CRB1: variants seen among roughly 807,000 people sequenced by gnomAD.
CRB1 encodes crumbs cell polarity complex component 1, also known as protein crumbs homolog 1.
Under a neutral mutation model 120.0 loss-of-function variants are expected in CRB1, and 83 were observed. The ratio of observed to expected loss-of-function variants is 0.69; its 90% CI spans 0.58 to 0.83. The LOEUF (loss-of-function observed/expected upper bound fraction) is 0.83. CRB1 is among the 40% of genes least tolerant of loss of function. The pLI is 0.00. For synonymous variants in CRB1, 625 were observed against 612.5 expected, an observed-to-expected ratio of 1.02 and a Z score of -0.30; for missense variants, 1,699 against 1,687.6, an observed-to-expected ratio of 1.01 and a Z score of -0.12.
chr1:197,255,510 G>A, the CRB1 span, among the ~76,000 whole-genome samples: 3 of 151,960 alleles, frequency 2.0e-5, no homozygotes, highest in Non-Finnish European at 4.4e-5. Context: ...TATCAAGTCA[G>A]CACCTTTCAA....
intron 11 of CRB1, among the ~76,000 whole-genome samples, chr1:197,450,357 G>A (rs181990878): frequency 2.0e-5 from 3 of 152,174 alleles, no homozygotes; most frequent in African/African-American, 7.2e-5. Context: ...ACTACATTCC[G>A]GGGAAAACAT....
chr1:197,444,879 T>C lies in CRB1; in HGVS notation c.4005+2587T>C, dbSNP rs1006973175. 2.0e-5 allele frequency: 3 copies of C among 148,246 alleles called. No individual in the cohort carries two copies. The South Asian group carries it at 6.5e-4, about 32-fold the overall frequency. The allele number at this position is 148,246 out of a possible 1,614,324, so 9.2% of individuals were successfully genotyped here. On this transcript the variant is annotated intron_variant, in intron 11 of 11. Transcript: ENST00000367400. The stretch of plus-strand genomic sequence containing the variant: ...ACTTGTTTGCCTTGACTATGTCTTG[T>C]ATGATAAAATTTCCACCAGCCATGC...
At chr1:197,411,664 A>T (rs946784678) in intron 5 of CRB1, among the ~76,000 whole-genome samples, 1 of 151,568 alleles carries the variant, frequency 6.6e-6, no homozygotes, top group African/African-American at 2.4e-5. Flanking sequence ...TTTGTACATC[A>T]CTCTGATATA....
rs1478713622 is a variant in CRB1 at position 197,328,771 on chromosome 1, T to C, written c.420T>C (p.Tyr140=). The C allele has an allele frequency of 1.2e-6, 2 of 1,612,496 alleles. No homozygotes were observed. Among genetic ancestry groups the C allele is most frequent in the African/African-American group, 1.3e-5 (1 of 74,936 alleles). ...IYPVCICPAG[Y]AGRFCEIDHD... Reference sequence around the variant, plus strand: ...CTGTCTGCATCTGCCCTGCTGGATATGCTGGAAGATTCTGTGAGATAGATC... The same window carrying C: ...CTGTCTGCATCTGCCCTGCTGGATACGCTGGAAGATTCTGTGAGATAGATC... Residue 140 remains tyrosine, a synonymous_variant, in exon 2 of 12, where the codon TAT becomes TAC. Coordinates refer to ENST00000367400, the MANE Select transcript of CRB1 (RefSeq NM_201253.3).
intron 5 of CRB1, 83 bp from the exon 6 acceptor site, chr1:197,420,917 C>T (rs1664269642): frequency 2.1e-6 from 2 of 948,024 alleles, no homozygotes; most frequent in Non-Finnish European, 3.4e-6. Flanking sequence ...TGCACTTCTG[C>T]AAGATTATAC....
the CRB1 span, among the ~76,000 whole-genome samples, chr1:197,238,060 G>A: frequency 2.6e-5 from 4 of 152,060 alleles, no homozygotes; most frequent in South Asian, 8.3e-4. Context: ...TTTTCACTGA[G>A]TTTAATGTGC....
At chr1:197,467,503 A>G (rs1383459054) in intron 11 of CRB1, among the ~76,000 whole-genome samples, 1 of 152,194 alleles carries the variant, frequency 6.6e-6, no homozygotes, top group African/African-American at 2.4e-5. Flanking sequence ...AATTGTCCCA[A>G]TAATGTCCCT....
At chr1:197,384,381 C>G (rs755148255) in intron 5 of CRB1, among the ~76,000 whole-genome samples, 17 of 152,116 alleles carry the variant, frequency 1.1e-4, no homozygotes, top group Non-Finnish European at 2.5e-4. Context: ...CCACATTTCC[C>G]CCTGACAACA....
chr1:197,268,563 A>G (rs1406338150), intron 1 of CRB1, 81 bp downstream of exon 1: 3 of 1,087,800 alleles, frequency 2.8e-6, no homozygotes, highest in Admixed American at 1.7e-5. Flanking sequence ...ATAATGTTGC[A>G]TGTTCTATAA....
chr1:197,210,513 C>T, the CRB1 span, among the ~76,000 whole-genome samples: 1 of 152,008 alleles, frequency 6.6e-6, no homozygotes, highest in Non-Finnish European at 1.5e-5. Flanking sequence ...CCAGGATTTC[C>T]CATCTGTGGA....
chr1:197,222,525 C>A, the CRB1 span: 3 of 768,406 alleles, frequency 3.9e-6, no homozygotes, highest in East Asian at 4.9e-5. Flanking sequence ...TCCGTTTGGT[C>A]TTGGCAGTGT....
chr1:197,409,180 A>G (rs1387703466), intron 5 of CRB1, among the ~76,000 whole-genome samples: 1 of 152,210 alleles, frequency 6.6e-6, no homozygotes, highest in East Asian at 1.9e-4. Context: ...CATAAAGTAG[A>G]GCAAAGAATG....
chr1:197,261,985 T>C, the CRB1 span, among the ~76,000 whole-genome samples: 5 of 152,286 alleles, frequency 3.3e-5, no homozygotes, highest in African/African-American at 1.2e-4. Flanking sequence ...TGTACTCTTA[T>C]TAAATCAATT....
At chr1:197,350,094 G>A (rs1004545970) in intron 4 of CRB1, among the ~76,000 whole-genome samples, 3 of 144,606 alleles carry the variant, frequency 2.1e-5, no homozygotes, top group African/African-American at 5.3e-5. Flanking sequence ...GCGACAGAGC[G>A]AGACTCCGTC....
At chr1:197,322,421 C>G (rs1397216803) in intron 1 of CRB1, among the ~76,000 whole-genome samples, 2 of 151,634 alleles carry the variant, frequency 1.3e-5, no homozygotes, top group Non-Finnish European at 2.9e-5. Context: ...CAAGATCGCA[C>G]CACTGCACTC....
intron 5 of CRB1, among the ~76,000 whole-genome samples, chr1:197,416,006 A>T: frequency 6.6e-6 from 1 of 152,020 alleles, no homozygotes; most frequent in East Asian, 1.9e-4. Context: ...TTTCTATAAG[A>T]CCTTCCCAGC....
intron 11 of CRB1, among the ~76,000 whole-genome samples, chr1:197,446,907 C>G (rs897331354): frequency 1.3e-5 from 2 of 152,062 alleles, no homozygotes; most frequent in African/African-American, 4.8e-5. Context: ...ATATTCCATT[C>G]TGGAGTTCAA....
At chr1:197,251,401 G>T in the CRB1 span, among the ~76,000 whole-genome samples, 1 of 151,912 alleles carries the variant, frequency 6.6e-6, no homozygotes, top group Non-Finnish European at 1.5e-5. Flanking sequence ...TTAAGAAACG[G>T]GCTTGAGAAA....
intron 2 of CRB1, among the ~76,000 whole-genome samples, chr1:197,339,139 G>A (rs1190431714): frequency 2.0e-5 from 3 of 152,194 alleles, no homozygotes; most frequent in Non-Finnish European, 2.9e-5. Context: ...TGGCTAAAAC[G>A]CCAAAGATGT....
Sources: gnomAD v4.1 joint callset for allele counts (sites outside exome capture counted in the v4.1 genomes callset) on GRCh38, gnomAD v4.1.1 for gene constraint, MANE v1.5 for transcripts, NCBI Gene and HGNC (gene_info 2026-07-23, HGNC 2026-07-21) for gene names.